TWIST2: variants seen among roughly 807,000 people sequenced by gnomAD.
TWIST2 encodes the protein twist family bHLH transcription factor 2, also known as twist-related protein 2.
Under a neutral mutation model 11.6 loss-of-function variants are expected in TWIST2, and 1 was observed. The ratio of observed to expected loss-of-function variants is 0.09; its 90% CI spans 0.03 to 0.41. The LOEUF is 0.41. Ranked by LOEUF, TWIST2 falls within the 10% of genes least tolerant of loss-of-function variation. TWIST2 has a pLI of 0.98. For synonymous variants in TWIST2, 87 were observed against 96.6 expected (o/e 0.90, Z 0.58); for missense variants, 168 against 226.4 (o/e 0.74, Z 1.66).
intron 1 of TWIST2, among the ~76,000 whole-genome samples, chr2:238,897,496 C>A (rs932532840): frequency 9.2e-4 from 140 of 152,282 alleles, no homozygotes; most frequent in Non-Finnish European, 1.6e-3. Context: ...ATGCCAGGCC[C>A]CACCAACCCA....
intron 1 of TWIST2, among the ~76,000 whole-genome samples, chr2:238,877,850 A>AC (rs1692834672): frequency 6.6e-6 from 1 of 152,164 alleles, no homozygotes; most frequent in Non-Finnish European, 1.5e-5. Context: ...CGTCCAAGAA[A>AC]CTTATGAAAA....
At chr2:238,848,919 C>T (rs2106346133) in intron 1 of TWIST2, among the ~76,000 whole-genome samples, 186 bp downstream of exon 1, 1 of 152,222 alleles carries the variant, frequency 6.6e-6, no homozygotes, top group East Asian at 1.9e-4. Context: ...CAGGGACACC[C>T]CTGAGTGCAG....
chr2:238,893,999 C>T (rs1309690767), intron 1 of TWIST2, among the ~76,000 whole-genome samples: 1 of 152,148 alleles, frequency 6.6e-6, no homozygotes, highest in Non-Finnish European at 1.5e-5. Flanking sequence ...GCCTCTCCCT[C>T]CGCTTGCCCC....
intron 1 of TWIST2, among the ~76,000 whole-genome samples, chr2:238,853,447 T>TGG (rs1491321100): frequency 3.3e-4 from 20 of 60,740 alleles, no homozygotes; most frequent in Admixed American, 3.1e-3. Context: ...GAGGGAGAGA[T>TGG]GGAGAGAGAG....
At chr2:238,890,683 T>C (rs760349106) in intron 1 of TWIST2, among the ~76,000 whole-genome samples, 2 of 152,238 alleles carry the variant, frequency 1.3e-5, no homozygotes, top group Admixed American at 6.5e-5. Flanking sequence ...CGGGGTTTTA[T>C]TGCAGGAATG....
chr2:238,903,561 TGTA>T lies in TWIST2; in HGVS notation c.*36-6278_*36-6276del, dbSNP rs1274039707. 1.9e-3 allele frequency among the ~76,000 whole-genome samples: 206 copies of T among 110,666 alleles called. 1 individual carries two copies. Among genetic ancestry groups the T allele is most frequent in the Non-Finnish European group, 2.3e-3 (122 of 52,978 alleles). 72.6% of individuals were successfully genotyped at this position (110,666 alleles called of 152,430 possible). A position where few individuals can be genotyped will look rare whatever the true frequency, so the allele number is the denominator to read the frequency against. ...TGTGTGTGGGTTGTGGGATGTGTGA[TGTA>T]GTGTGTGTGATGTGAAGTATGTTTG... is the stretch of plus-strand genomic sequence containing the variant. On this transcript the variant is annotated intron_variant, in intron 1 of 1. Coordinates refer to ENST00000612363, the MANE Select transcript of TWIST2 (RefSeq NM_001271893.4).
In TWIST2 at chr2:238,866,331, G is replaced by A. The variant is rs1016667829; in HGVS notation, c.*35+17598G>A. On this transcript the variant is annotated intron_variant, in intron 1 of 1. Transcript: ENST00000612363. The surrounding 1 kb of genome is among the most constrained non-coding windows in gnomAD (Gnocchi z 4.9). ...CAGTTGCCAGTAAGAACAGGGGTGA[G>A]GAGATGAGCAAACCCACATGCTTGT... 6.6e-6 allele frequency among the ~76,000 whole-genome samples: 1 copy of A among 152,206 alleles called. No homozygotes were observed. Among genetic ancestry groups the A allele is most frequent in the South Asian group, 2.1e-4 (1 of 4,826 alleles).
At chr2:238,858,391 T>C (rs1692367237) in intron 1 of TWIST2, among the ~76,000 whole-genome samples, 1 of 152,220 alleles carries the variant, frequency 6.6e-6, no homozygotes, top group South Asian at 2.1e-4. Flanking sequence ...TTAGTAAGCT[T>C]TTTTGAGGTG....
chr2:238,853,859 A>G (rs1692286561), intron 1 of TWIST2, among the ~76,000 whole-genome samples: 1 of 152,244 alleles, frequency 6.6e-6, no homozygotes, highest in African/African-American at 2.4e-5. Flanking sequence ...GGGCTATTTC[A>G]TCCTCAACTG....
intron 1 of TWIST2, among the ~76,000 whole-genome samples, chr2:238,896,170 GA>G (rs1390304352): frequency 5.3e-5 from 8 of 152,180 alleles, no homozygotes; most frequent in African/African-American, 1.9e-4. Flanking sequence ...CGGGGATCCG[GA>G]AGACGGCTCC....
intron 1 of TWIST2, among the ~76,000 whole-genome samples, chr2:238,871,679 C>A (rs1311624752): frequency 1.2e-3 from 146 of 121,466 alleles, no homozygotes; most frequent in African/African-American, 3.6e-3. Flanking sequence ...CACCCCCCCC[C>A]AACACACACA....
rs1401548936 is a variant in TWIST2, at chr2:238,848,292, C to T, written c.77C>T (p.Pro26Leu). 2 of 1,532,664 alleles carry T rather than the reference C, an allele frequency of 1.3e-6. No individual in the cohort carries two copies. The highest frequency in any genetic ancestry group is 2.7e-5 in the African/African-American group (2 of 72,944). 94.9% of individuals were successfully genotyped at this position (1,532,664 alleles called of 1,614,324 possible). ...AGCGAGGAGGAGCTCGAGAGGCAGC[C>T]CAAGCGCTTCGGCCGGAAGCGGCGC... ...GTSEEELERQ[P>L]KRFGRKRRYS... is the part of the protein sequence containing the mutation. Residue 26 changes from proline to leucine, a missense_variant, in exon 1 of 2, where the codon CCC (proline) becomes CTC (leucine). Coordinates refer to ENST00000612363, the MANE Select transcript of TWIST2 (RefSeq NM_001271893.4).
intron 1 of TWIST2, among the ~76,000 whole-genome samples, chr2:238,896,121 G>A (rs916505907): frequency 1.2e-4 from 19 of 152,294 alleles, no homozygotes; most frequent in Admixed American, 2.6e-4. Flanking sequence ...CAGGCAAGCC[G>A]GGGTCAGAGG....
Position 238,880,777 on chromosome 2 carries a change from GTTAGTA to G in TWIST2, c.*36-29059_*36-29054del, listed in dbSNP as rs1443253467. On this transcript the variant is annotated intron_variant, in intron 1 of 1. Transcript: ENST00000612363. ...TGTTAATATTAGCATTAGTGTCAGT[GTTAGTA>G]TTAGTGTTAGTGTTAGTATTTATTA... Among the ~76,000 whole-genome samples, 8 of 117,104 alleles carry G rather than the reference GTTAGTA, an allele frequency of 6.8e-5. 3 individuals carry two copies. Among genetic ancestry groups the G allele is most frequent in the Non-Finnish European group, 1.0e-4 (6 of 58,078 alleles). 76.8% of individuals were successfully genotyped at this position (117,104 alleles called of 152,430 possible).
At chr2:238,905,898 T>TGCAG (rs1471050214) in intron 1 of TWIST2, among the ~76,000 whole-genome samples, 16 of 122,810 alleles carry the variant, frequency 1.3e-4, no homozygotes, top group Admixed American at 3.1e-4. Context: ...CGCATGCGCG[T>TGCAG]GTGTGCGTGT....
intron 1 of TWIST2, among the ~76,000 whole-genome samples, chr2:238,877,782 A>C (rs138180753): frequency 0.022 from 3,304 of 152,270 alleles, 117 homozygotes; most frequent in African/African-American, 0.075. Flanking sequence ...TATTTAATGA[A>C]ATGTTTAATT....
At chr2:238,852,977 G>A (rs36127394) in intron 1 of TWIST2, among the ~76,000 whole-genome samples, 1 of 152,092 alleles carries the variant, frequency 6.6e-6, no homozygotes, top group Non-Finnish European at 1.5e-5. Flanking sequence ...AACTAAAAAT[G>A]TGACTTGAGC....
At chr2:238,857,162 T>G (rs1039650160) in intron 1 of TWIST2, among the ~76,000 whole-genome samples, 1 of 152,112 alleles carries the variant, frequency 6.6e-6, no homozygotes, top group African/African-American at 2.4e-5. Context: ...TGCCCCTGCA[T>G]GACGGGCGGG....
At chr2:238,857,993 A>T (rs1159582479) in intron 1 of TWIST2, among the ~76,000 whole-genome samples, 2 of 152,152 alleles carry the variant, frequency 1.3e-5, no homozygotes, top group Non-Finnish European at 2.9e-5. Flanking sequence ...CAGATGACAG[A>T]CTTTGTCCTC....
Sources: gnomAD v4.1 joint callset for allele counts (sites outside exome capture counted in the v4.1 genomes callset) on GRCh38, gnomAD v4.1.1 for gene constraint, Gnocchi (gnomAD v3.1) non-coding constraint, MANE v1.5 for transcripts, NCBI Gene and HGNC (gene_info 2026-07-23, HGNC 2026-07-21) for gene names.